The following ART3 variants were observed in gnomAD, a reference collection of about 807,000 sequenced individuals.
ART3 encodes the protein ecto-ADP-ribosyltransferase 3.
Under a neutral mutation model 48.5 loss-of-function variants are expected in ART3, and 49 were observed. The observed-to-expected ratio is 1.01, with a 90% CI of 0.80 to 1.28. The LOEUF (loss-of-function observed/expected upper bound fraction) is 1.28, where lower values mean the gene tolerates loss of function less well. Among genes scored for constraint, ART3 ranks in the 50% most tolerant of loss-of-function variants. The probability of loss-of-function intolerance (pLI) is 0.00; values close to 1 mark genes in which losing one functional copy is unlikely to be tolerated. For synonymous variants in ART3, 145 were observed against 157.2 expected (o/e 0.92, Z 0.58); for missense variants, 438 against 454.3 (o/e 0.96, Z 0.33).
intron 1 of ART3, among the ~76,000 whole-genome samples, chr4:76,028,971 G>A (rs1221008328): frequency 6.6e-6 from 1 of 152,208 alleles, no homozygotes; most frequent in African/African-American, 2.4e-5. Flanking sequence ...AGACAAAATT[G>A]GAGGACATTA....
intron 1 of ART3, among the ~76,000 whole-genome samples, chr4:76,048,632 A>T (rs1239563801): frequency 2.0e-5 from 3 of 151,930 alleles, no homozygotes; most frequent in African/African-American, 7.2e-5. Context: ...CAGTCTCTGG[A>T]CCCTGCTGAT....
At chr4:76,018,602 G>GA (rs1186501315) in intron 1 of ART3, among the ~76,000 whole-genome samples, 2 of 151,084 alleles carry the variant, frequency 1.3e-5, no homozygotes, top group African/African-American at 4.9e-5. Flanking sequence ...AAGTTGGAAA[G>GA]AAAAAAAATT....
intron 1 of ART3, among the ~76,000 whole-genome samples, chr4:76,028,662 C>T (rs978584568): frequency 4.6e-5 from 7 of 152,222 alleles, no homozygotes; most frequent in Non-Finnish European, 8.8e-5. Context: ...GGCAAAGCTT[C>T]CCCTTCACAG....
chr4:76,013,703 G>A (rs1732011189), intron 1 of ART3, among the ~76,000 whole-genome samples: 1 of 152,104 alleles, frequency 6.6e-6, no homozygotes, highest in Non-Finnish European at 1.5e-5. Context: ...GTTAAAAAAC[G>A]TTTCTGTATC....
intron 1 of ART3, among the ~76,000 whole-genome samples, chr4:76,066,513 C>T (rs1719752912): frequency 6.6e-6 from 1 of 152,070 alleles, no homozygotes; most frequent in African/African-American, 2.4e-5. Context: ...ATTCGGCAGT[C>T]TCTGCAGATC....
chr4:76,020,963 T>C (rs1390362459), intron 1 of ART3, among the ~76,000 whole-genome samples: 2 of 152,206 alleles, frequency 1.3e-5, no homozygotes, highest in African/African-American at 4.8e-5. Flanking sequence ...TGATGGGCCT[T>C]TCAGGAGATT....
intron 5 of ART3, 169 bp downstream of exon 5, chr4:76,099,156 G>A (rs1051264131): frequency 6.5e-6 from 4 of 619,420 alleles, no homozygotes; most frequent in Non-Finnish European, 1.2e-5. Context: ...ACAAAACTTA[G>A]CCAGGCATGG....
At chr4:76,041,524 A>T (rs1259290482) in intron 1 of ART3, 1 of 152,238 alleles carries the variant, frequency 6.6e-6, no homozygotes, top group East Asian at 1.9e-4. Flanking sequence ...AGGCATGGAC[A>T]TAATTTTAAA....
chr4:76,043,522 G>A (rs1413439094), intron 1 of ART3, among the ~76,000 whole-genome samples: 4 of 152,268 alleles, frequency 2.6e-5, no homozygotes, highest in East Asian at 1.9e-4. Context: ...CGCAGCTGCT[G>A]GCCTGGGTGC....
At chr4:76,112,110 T>C (rs1322820519) in intron 11 of ART3, 3 of 344,830 alleles carry the variant, frequency 8.7e-6, no homozygotes, top group Non-Finnish European at 1.6e-5. Flanking sequence ...AGGCTATTAG[T>C]AGTTAAGTTT....
intron 1 of ART3, among the ~76,000 whole-genome samples, chr4:76,048,298 T>G (rs1735706829): frequency 6.6e-6 from 1 of 151,902 alleles, no homozygotes; most frequent in African/African-American, 2.4e-5. Flanking sequence ...CAGGATAGTA[T>G]TATAATTTGT....
At chr4:76,073,870 T>A (rs1474989202), upstream of ART3, among the ~76,000 whole-genome samples, 8 of 152,236 alleles carry the variant, frequency 5.3e-5, no homozygotes, top group Non-Finnish European at 2.9e-5. Context: ...TTGTTATATA[T>A]GGTCAGAGTT....
intron 1 of ART3, among the ~76,000 whole-genome samples, chr4:76,019,908 A>C (rs1282125279): frequency 6.6e-6 from 1 of 152,096 alleles, no homozygotes; most frequent in Non-Finnish European, 1.5e-5. Context: ...TTTCATCAGC[A>C]GTGGAAGAGC....
chr4:76,058,521 A>G (rs1258531701), intron 1 of ART3: 1 of 152,212 alleles, frequency 6.6e-6, no homozygotes, highest in Non-Finnish European at 1.5e-5. Flanking sequence ...AGTAAGCTTC[A>G]TAATTCTAGG....
chr4:76,099,069 A>C (rs1316152337), intron 5 of ART3, 82 bp downstream of exon 5: 1 of 1,258,198 alleles, frequency 7.9e-7, no homozygotes, highest in South Asian at 1.2e-5. Context: ...TGGAAGGCCG[A>C]GGTGAGTGGA....
intron 1 of ART3, among the ~76,000 whole-genome samples, chr4:76,054,966 A>C (rs1718544155): frequency 6.6e-6 from 1 of 152,194 alleles, no homozygotes; most frequent in African/African-American, 2.4e-5. Flanking sequence ...TTTTAGAGAC[A>C]GTCTTGTTAT....
chr4:76,049,676 C>T (rs576104664), intron 1 of ART3, among the ~76,000 whole-genome samples: 36 of 151,954 alleles, frequency 2.4e-4, no homozygotes, highest in African/African-American at 6.3e-4. Context: ...GAATAGCAAG[C>T]GAAAGGGGTC....
In ART3 at chr4:76,034,865, C is replaced by T. The variant is rs775626155; in HGVS notation, c.-10+23545C>T. 6 of 1,513,604 alleles carry T rather than the reference C, an allele frequency of 4.0e-6. No individual in the cohort carries two copies. The South Asian group carries it at 5.9e-5, about 15-fold the overall frequency. The allele number at this position is 1,513,604 out of a possible 1,614,324, so 93.8% of individuals were successfully genotyped here. On this transcript the variant is annotated intron_variant, in intron 1 of 9. Coordinates refer to the ART3 transcript ENST00000341029. ...TATTTACTTGGGCTGTTCTTGTTTC[C>T]CCCAGGACATCTAAAAACATGTAGT...
chr4:76,023,316 T>C, intron 1 of ART3: 1 of 1,352,070 alleles, frequency 7.4e-7, no homozygotes, highest in Non-Finnish European at 1.1e-6. Context: ...TTTTAGAATT[T>C]ATACCTATTC....
Sources: allele counts gnomAD v4.1 joint callset (sites outside exome capture counted in the v4.1 genomes callset), GRCh38; gene constraint gnomAD v4.1.1; transcripts MANE v1.5; gene names NCBI Gene and HGNC (gene_info 2026-07-23, HGNC 2026-07-21).